The following COMMD10 variants were observed in gnomAD, a reference collection of about 807,000 sequenced individuals.
COMMD10 encodes the protein COMM domain-containing protein 10.
In COMMD10, 33 loss-of-function variants were observed where a neutral mutation model predicts 28.9. That is an observed-to-expected ratio of 1.14 (90% CI 0.87 to 1.53). The LOEUF is 1.53. Among genes scored for constraint, COMMD10 ranks in the 40% most tolerant of loss-of-function variants. COMMD10 has a pLI of 0.00. For synonymous variants in COMMD10, 110 were observed against 81.7 expected, an observed-to-expected ratio of 1.35 and a Z score of -1.87; for missense variants, 310 against 233.4, an observed-to-expected ratio of 1.33 and a Z score of -2.14.
At chr5:116,152,196 G>C (rs570371592) in intron 5 of COMMD10, among the ~76,000 whole-genome samples, 12 of 152,122 alleles carry the variant, frequency 7.9e-5, no homozygotes, top group Non-Finnish European at 1.6e-4. Context: ...CTGAGTTCTA[G>C]TTTGATTGCA....
At chr5:116,262,629 GTTGGTTA>G (rs1750479804) in intron 5 of COMMD10, among the ~76,000 whole-genome samples, 1 of 151,824 alleles carries the variant, frequency 6.6e-6, no homozygotes, top group African/African-American at 2.4e-5. Context: ...TTTTGTAAGT[GTTGGTTA>G]TTAAGTCTGT....
chr5:116,187,576 G>A lies in COMMD10; in HGVS notation c.510+53398G>A, dbSNP rs189910582. On this transcript the variant is annotated intron_variant, in intron 5 of 6. Transcript: ENST00000274458. ...ACTACTGCTACAAAGTAGGTTAAATGATCTCTACATTACTTCATGCATTAA... is the reference window on the plus strand; with the variant it reads ...ACTACTGCTACAAAGTAGGTTAAATAATCTCTACATTACTTCATGCATTAA... 4.3e-3 allele frequency among the ~76,000 whole-genome samples: 651 copies of A among 152,062 alleles called. 1 individual carries two copies. Among genetic ancestry groups the A allele is most frequent in the African/African-American group, 6.7e-3 (277 of 41,512 alleles).
chr5:116,198,618 C>G lies in COMMD10; in HGVS notation c.510+64440C>G, dbSNP rs570347049. 2.6e-4 allele frequency among the ~76,000 whole-genome samples: 39 copies of G among 152,292 alleles called. 1 individual carries two copies. The South Asian group carries it at 7.9e-3, about 31-fold the overall frequency. On this transcript the variant is annotated intron_variant, in intron 5 of 6. Transcript: ENST00000274458. ...GTGTATAATGACAGTACATCCACCA[C>G]TGTAGTATCATATACCATAATTTCT... is the stretch of plus-strand genomic sequence containing the variant.
At chr5:116,249,272 C>T (rs996913151) in intron 5 of COMMD10, among the ~76,000 whole-genome samples, 5 of 151,862 alleles carry the variant, frequency 3.3e-5, no homozygotes, top group Non-Finnish European at 7.4e-5. Context: ...TGCCCTCAAA[C>T]ATTATTTCAG....
At chr5:116,136,046 C>T (rs1193391274) in intron 5 of COMMD10, among the ~76,000 whole-genome samples, 1 of 152,190 alleles carries the variant, frequency 6.6e-6, no homozygotes. Context: ...CTACTACCAT[C>T]ATCATCAATA....
intron 4 of COMMD10, among the ~76,000 whole-genome samples, chr5:116,104,568 A>G (rs1362523408): frequency 1.3e-5 from 2 of 151,942 alleles, no homozygotes; most frequent in Non-Finnish European, 2.9e-5. Context: ...GGTTTTCTAA[A>G]TATACAATCA....
At chr5:116,185,006 A>G (rs1034165496) in intron 5 of COMMD10, among the ~76,000 whole-genome samples, 2 of 152,130 alleles carry the variant, frequency 1.3e-5, no homozygotes, top group Non-Finnish European at 2.9e-5. Flanking sequence ...GAATTTTGAA[A>G]GAATAGAAGG....
At chr5:116,120,920 TTGTATATGTTTA>T (rs1751408288) in intron 4 of COMMD10, among the ~76,000 whole-genome samples, 1 of 152,134 alleles carries the variant, frequency 6.6e-6, no homozygotes, top group Non-Finnish European at 1.5e-5. Flanking sequence ...TTGTATGTTT[TTGTATATGTTTA>T]TGTATATGTT....
intron 5 of COMMD10, among the ~76,000 whole-genome samples, chr5:116,197,325 A>G (rs957864917): frequency 1.3e-5 from 2 of 152,158 alleles, no homozygotes; most frequent in African/African-American, 2.4e-5. Flanking sequence ...TACGCAAACA[A>G]TACATGAAAT....
chr5:116,102,068 G>A (rs191835263), intron 4 of COMMD10, among the ~76,000 whole-genome samples: 19 of 152,240 alleles, frequency 1.2e-4, no homozygotes, highest in Admixed American at 4.6e-4. Context: ...GTTTAACTAA[G>A]TTCCATTTGT....
intron 5 of COMMD10, among the ~76,000 whole-genome samples, chr5:116,257,401 A>G (rs2112681521): frequency 6.6e-6 from 1 of 151,852 alleles, no homozygotes; most frequent in South Asian, 2.1e-4. Flanking sequence ...CAGTATTTTC[A>G]GCTTCTGTAC....
intron 5 of COMMD10, among the ~76,000 whole-genome samples, chr5:116,250,957 A>G (rs986893750): frequency 1.3e-5 from 2 of 151,886 alleles, no homozygotes; most frequent in African/African-American, 4.8e-5. Context: ...TACTAAGCCT[A>G]CATTATTCTG....
intron 5 of COMMD10, among the ~76,000 whole-genome samples, chr5:116,273,577 A>G (rs1323806284): frequency 6.6e-6 from 1 of 151,886 alleles, no homozygotes; most frequent in Non-Finnish European, 1.5e-5. Context: ...AATATTAATG[A>G]CTAGACTACA....
chr5:116,216,211 A>C (rs1337634701), intron 5 of COMMD10, among the ~76,000 whole-genome samples: 3 of 152,178 alleles, frequency 2.0e-5, no homozygotes, highest in Non-Finnish European at 4.4e-5. Flanking sequence ...TAACCATTAC[A>C]CAAGATCTTT....
At chr5:116,230,794 C>A (rs751554833) in intron 5 of COMMD10, among the ~76,000 whole-genome samples, 2 of 152,028 alleles carry the variant, frequency 1.3e-5, no homozygotes, top group Non-Finnish European at 1.5e-5. Flanking sequence ...CTTGAAGTTG[C>A]CTTGACAAGC....
intron 4 of COMMD10, among the ~76,000 whole-genome samples, chr5:116,095,986 A>T (rs1245290028): frequency 1.3e-5 from 2 of 152,128 alleles, no homozygotes; most frequent in Non-Finnish European, 2.9e-5. Context: ...CTATGCCAAT[A>T]TCACACTGCC....
At chr5:116,144,474 A>G (rs1217591140) in intron 5 of COMMD10, among the ~76,000 whole-genome samples, 1 of 151,588 alleles carries the variant, frequency 6.6e-6, no homozygotes, top group Non-Finnish European at 1.5e-5. Context: ...CTAGAAAGTG[A>G]TGGTGCTATA....
intron 5 of COMMD10, among the ~76,000 whole-genome samples, chr5:116,147,346 C>T (rs1268169863): frequency 6.6e-6 from 1 of 151,812 alleles, no homozygotes. Flanking sequence ...ACGAATTATC[C>T]TAACCTTTGC....
At chr5:116,265,837 C>G (rs1446157376) in intron 5 of COMMD10, among the ~76,000 whole-genome samples, 3 of 151,702 alleles carry the variant, frequency 2.0e-5, no homozygotes, top group Non-Finnish European at 4.4e-5. Flanking sequence ...CAGTTCGACA[C>G]CAGAGATGAC....
Sources: allele counts gnomAD v4.1 joint callset (sites outside exome capture counted in the v4.1 genomes callset), GRCh38; gene constraint gnomAD v4.1.1; transcripts MANE v1.5; gene names NCBI Gene and HGNC (gene_info 2026-07-23, HGNC 2026-07-21).